The following PTPRG variants were observed in gnomAD, a reference collection of about 807,000 sequenced individuals.
PTPRG encodes the protein receptor-type tyrosine-protein phosphatase gamma.
Under a neutral mutation model 165.3 loss-of-function variants are expected in PTPRG, and 102 were observed. The ratio of observed to expected loss-of-function variants is 0.62; its 90% CI spans 0.53 to 0.73. The LOEUF is 0.73. Ranked by LOEUF, PTPRG falls within the 30% of genes least tolerant of loss-of-function variation. The pLI, the probability that PTPRG is intolerant of heterozygous loss-of-function variation, is 0.00. For synonymous variants in PTPRG, 675 were observed against 669.5 expected, an observed-to-expected ratio of 1.01 and a Z score of -0.13; for missense variants, 1,866 against 1,861.4, an observed-to-expected ratio of 1.00 and a Z score of -0.05.
chr3:62,196,084 G>A (rs991517435), intron 10 of PTPRG, among the ~76,000 whole-genome samples: 2 of 151,052 alleles, frequency 1.3e-5, no homozygotes, highest in East Asian at 2.0e-4. Context: ...CACCACGCCC[G>A]GCAATGGGAT....
intron 5 of PTPRG, among the ~76,000 whole-genome samples, chr3:62,081,035 A>T (rs1334883068): frequency 6.6e-6 from 1 of 151,920 alleles, no homozygotes; most frequent in South Asian, 2.1e-4. Context: ...AGGCGGGCGG[A>T]TCACTAGTTC....
intron 3 of PTPRG, among the ~76,000 whole-genome samples, chr3:61,999,981 G>A (rs2041131363): frequency 6.6e-6 from 1 of 152,106 alleles, no homozygotes; most frequent in African/African-American, 2.4e-5. Flanking sequence ...TGAACTAAAA[G>A]CATCTACTCA....
intron 1 of PTPRG, among the ~76,000 whole-genome samples, chr3:61,564,420 A>G (rs969223645): frequency 1.3e-5 from 2 of 152,096 alleles, no homozygotes; most frequent in Non-Finnish European, 2.9e-5. Flanking sequence ...GAAGCTTGAG[A>G]TCCAAAATGG....
At chr3:61,622,117 C>G (rs57996122) in intron 1 of PTPRG, among the ~76,000 whole-genome samples, 19,028 of 152,192 alleles carry the variant, frequency 0.13, 1,348 homozygotes, top group African/African-American at 0.19. Flanking sequence ...CTTTTCCCGC[C>G]TAAGTTAACT....
intron 14 of PTPRG, among the ~76,000 whole-genome samples, chr3:62,239,692 G>A: frequency 6.6e-6 from 1 of 151,962 alleles, no homozygotes; most frequent in East Asian, 1.9e-4. Context: ...CCATTCCCCT[G>A]CGCTCAAAAT....
chr3:62,083,117 G>A (rs1332513730), intron 5 of PTPRG, among the ~76,000 whole-genome samples: 3 of 152,282 alleles, frequency 2.0e-5, no homozygotes, highest in Non-Finnish European at 4.4e-5. Context: ...TGTAAGTACA[G>A]AAACTAAAAT....
In PTPRG at chr3:61,754,267, C is replaced by T. The variant is rs1212703639; in HGVS notation, c.190+5285C>T. Among the ~76,000 whole-genome samples, 8 of 152,272 alleles carry T rather than the reference C, an allele frequency of 5.3e-5. 1 individual carries two copies. Among genetic ancestry groups the T allele is most frequent in the African/African-American group, 1.9e-4 (8 of 41,548 alleles). ...CTGTCCTGGGATTTGAGGAATTGCTCAGCTGTAAAATGGAGATGGCTTTGA... is the reference window on the plus strand; with the variant it reads ...CTGTCCTGGGATTTGAGGAATTGCTTAGCTGTAAAATGGAGATGGCTTTGA... On this transcript the variant is annotated intron_variant, in intron 2 of 29. Transcript: ENST00000474889.
intron 1 of PTPRG, among the ~76,000 whole-genome samples, chr3:61,597,757 T>C (rs1293114583): frequency 6.6e-6 from 1 of 152,230 alleles, no homozygotes; most frequent in Non-Finnish European, 1.5e-5. Flanking sequence ...TGTGAGCCAC[T>C]GAATCACTTT....
intron 2 of PTPRG, among the ~76,000 whole-genome samples, chr3:61,875,517 C>T (rs777487898): frequency 2.6e-5 from 4 of 152,228 alleles, no homozygotes; most frequent in Non-Finnish European, 2.9e-5. Context: ...GAGTACCTAG[C>T]GGCTTGAAAG....
At chr3:61,911,987 A>G (rs1011551636) in intron 2 of PTPRG, among the ~76,000 whole-genome samples, 3 of 151,992 alleles carry the variant, frequency 2.0e-5, no homozygotes, top group Non-Finnish European at 4.4e-5. Context: ...TACGCCCCCA[A>G]TTTCTTCTAT....
intron 1 of PTPRG, among the ~76,000 whole-genome samples, chr3:61,709,962 G>A (rs1482634940): frequency 6.6e-6 from 1 of 152,156 alleles, no homozygotes; most frequent in Non-Finnish European, 1.5e-5. Context: ...AGGTGCTGCT[G>A]ATGCTGCTGT....
rs1401710389 is a variant in PTPRG, at chr3:62,265,925, A to ACACACACACACACACACC, written c.2657-1484_2657-1483insACACACACACACACACCC. Among the ~76,000 whole-genome samples, 3 of 149,752 alleles carry ACACACACACACACACACC rather than the reference A, an allele frequency of 2.0e-5. 1 individual carries two copies. In the South Asian group the frequency reaches 6.4e-4, roughly 32 times the overall value. On this transcript the variant is annotated intron_variant, in intron 17 of 29. Transcript: ENST00000474889. ...CACACACACACACACACACACACACACCATTCTCTCCACCAGAGCATCCTT... is the reference window on the plus strand; with the variant it reads ...CACACACACACACACACACACACACACACACACACACACACACCCCATTCTCTCCACCAGAGCATCCTT...
chr3:61,744,903 T>C (rs2033137253), intron 1 of PTPRG, among the ~76,000 whole-genome samples: 7 of 152,122 alleles, frequency 4.6e-5, no homozygotes, highest in Admixed American at 3.9e-4. Context: ...AGAGAGTCAG[T>C]GAGGTTCTGG....
At chr3:61,861,363 A>C (rs1261160092) in intron 2 of PTPRG, among the ~76,000 whole-genome samples, 1 of 152,168 alleles carries the variant, frequency 6.6e-6, no homozygotes, top group Non-Finnish European at 1.5e-5. Flanking sequence ...CTGGGGGCCA[A>C]AAACAAAATC....
chr3:62,177,834 C>G (rs1705483045), intron 8 of PTPRG, among the ~76,000 whole-genome samples: 3 of 152,158 alleles, frequency 2.0e-5, no homozygotes, highest in Admixed American at 6.5e-5. Context: ...TTTCAGGGCA[C>G]CAGTACCTTT....
intron 1 of PTPRG, among the ~76,000 whole-genome samples, chr3:61,667,411 T>C (rs1035535710): frequency 1.3e-5 from 2 of 152,158 alleles, no homozygotes; most frequent in African/African-American, 4.8e-5. Context: ...AATATATATA[T>C]GTATTTGATA....
chr3:62,242,261 G>A (rs556767806), intron 14 of PTPRG, among the ~76,000 whole-genome samples: 2 of 152,174 alleles, frequency 1.3e-5, no homozygotes, highest in Admixed American at 1.3e-4. Flanking sequence ...AGGCAGCTAC[G>A]CAAAGAGTGA....
intron 2 of PTPRG, among the ~76,000 whole-genome samples, chr3:61,864,275 C>T (rs548949546): frequency 2.0e-5 from 3 of 152,186 alleles, no homozygotes; most frequent in Non-Finnish European, 1.5e-5. Flanking sequence ...CTTATTTACC[C>T]AGGATTTCTA....
chr3:61,743,377 G>A (rs1226937241), intron 1 of PTPRG, among the ~76,000 whole-genome samples: 1 of 152,072 alleles, frequency 6.6e-6, no homozygotes, highest in African/African-American at 2.4e-5. Context: ...TGTCAAAATC[G>A]AGAGACTCAG....
Sources: gnomAD v4.1 joint callset for allele counts (sites outside exome capture counted in the v4.1 genomes callset) on GRCh38, gnomAD v4.1.1 for gene constraint, MANE v1.5 for transcripts, NCBI Gene and HGNC (gene_info 2026-07-23, HGNC 2026-07-21) for gene names.